RBFOX2: variants seen among roughly 807,000 people sequenced by gnomAD.
The protein encoded by RBFOX2 is RNA binding protein fox-1 homolog 2.
A neutral mutation model predicts 49.1 loss-of-function variants in RBFOX2; 10 were observed. The ratio of observed to expected loss-of-function variants is 0.20; its 90% CI spans 0.13 to 0.35. The LOEUF (loss-of-function observed/expected upper bound fraction) is 0.35. Among genes scored for constraint, RBFOX2 ranks in the 10% least tolerant of loss-of-function variants. The pLI, the probability that RBFOX2 is intolerant of heterozygous loss-of-function variation, is 1.00. For synonymous variants in RBFOX2, 183 were observed against 187.4 expected, an observed-to-expected ratio of 0.98 and a Z score of 0.19; for missense variants, 323 against 486.9, an observed-to-expected ratio of 0.66 and a Z score of 3.17.
chr22:35,740,373 T>C (rs990048518), exon 12 of RBFOX2: 33 of 152,662 alleles, frequency 2.2e-4, no homozygotes, highest in African/African-American at 8.0e-4. Context: ...AGTTTCACTG[T>C]GTATACTACA....
At chr22:35,903,320 C>T (rs2048787917) in intron 1 of RBFOX2, among the ~76,000 whole-genome samples, 1 of 152,200 alleles carries the variant, frequency 6.6e-6, no homozygotes. Context: ...CTTCTTAAAA[C>T]ATTCTCTTCT....
chr22:35,954,146 G>A (rs2055279107), intron 1 of RBFOX2, among the ~76,000 whole-genome samples: 1 of 151,762 alleles, frequency 6.6e-6, no homozygotes, highest in Non-Finnish European at 1.5e-5. Context: ...GTTAAATTTG[G>A]ATTTATGAGT....
chr22:36,000,071 G>GCTCA (rs957285448), intron 1 of RBFOX2: 1 of 148,162 alleles, frequency 6.7e-6, no homozygotes, highest in Non-Finnish European at 1.5e-5. Flanking sequence ...CACGATCTCA[G>GCTCA]CTCACTGTTA....
At chr22:35,849,154 T>C (rs2041580157) in intron 1 of RBFOX2, among the ~76,000 whole-genome samples, 1 of 152,082 alleles carries the variant, frequency 6.6e-6, no homozygotes, top group Non-Finnish European at 1.5e-5. Flanking sequence ...TTCTGGAAAA[T>C]ACAACATTTG....
At chr22:35,836,615 T>C (rs1957727837) in intron 1 of RBFOX2, among the ~76,000 whole-genome samples, 1 of 152,208 alleles carries the variant, frequency 6.6e-6, no homozygotes, top group Non-Finnish European at 1.5e-5. Context: ...GGAAAACAGA[T>C]TTTGAAGAAA....
chr22:35,744,376 T>C (rs1931486783), intron 11 of RBFOX2, 127 bp from the exon 14 acceptor site: 9 of 877,914 alleles, frequency 1.0e-5, no homozygotes, highest in Non-Finnish European at 1.5e-5. Context: ...TGATCAAGCA[T>C]TGCCTTGTGC....
In RBFOX2 at chr22:35,885,423, T is replaced by C. The variant is rs546852294; in HGVS notation, c.-34+53424A>G. ...TATCTAAGAAATAATACTTAACAAT[T>C]CTACTGGGAAAAATCATGCCCATTT... On this transcript the variant is annotated intron_variant, in intron 1 of 13. Coordinates refer to the RBFOX2 transcript ENST00000359369. Among the ~76,000 whole-genome samples, 8 of 152,284 alleles carry C rather than the reference T, an allele frequency of 5.3e-5. No individual in the cohort carries two copies. In the South Asian group the frequency reaches 1.2e-3, roughly 24 times the overall value.
At chr22:35,963,599 G>C (rs893948694), upstream of RBFOX2, among the ~76,000 whole-genome samples, 6 of 152,188 alleles carry the variant, frequency 3.9e-5, no homozygotes, top group African/African-American at 1.4e-4. Flanking sequence ...CCTAGACTAA[G>C]TGGAAAGTTG....
Position 35,800,296 on chromosome 22 carries a change from C to G in RBFOX2, c.252+9484G>C, listed in dbSNP as rs192471835. Among the ~76,000 whole-genome samples, 146 of 152,292 alleles carry G rather than the reference C, an allele frequency of 9.6e-4. 1 individual carries two copies. The East Asian group carries it at 0.024, about 25-fold the overall frequency. ...AATCGTCTGCCTGCTCCTCTATTCA[C>G]CCTGCATACGCTGTGACAGATCAAT... On this transcript the variant is annotated intron_variant, in intron 2 of 11. Transcript: ENST00000405409.
At chr22:35,923,067 A>C (rs1249609423) in intron 1 of RBFOX2, among the ~76,000 whole-genome samples, 1 of 152,144 alleles carries the variant, frequency 6.6e-6, no homozygotes, top group Non-Finnish European at 1.5e-5. Flanking sequence ...ACTGCCTAAC[A>C]CACTCCCCTT....
intron 1 of RBFOX2, among the ~76,000 whole-genome samples, chr22:35,846,080 A>G (rs888010556): frequency 2.7e-5 from 4 of 150,618 alleles, no homozygotes; most frequent in African/African-American, 9.7e-5. Context: ...CATACACTAT[A>G]TAAGTATAAA....
intron 1 of RBFOX2, 120 bp from the exon 3 acceptor site, chr22:35,810,124 T>C: frequency 2.1e-6 from 2 of 965,804 alleles, no homozygotes; most frequent in Non-Finnish European, 3.1e-6. Context: ...AATGGAATGC[T>C]TATTGCTCCA....
chr22:35,960,650 C>T (rs1301561613), intron 1 of RBFOX2, among the ~76,000 whole-genome samples: 1 of 152,142 alleles, frequency 6.6e-6, no homozygotes, highest in African/African-American at 2.4e-5. Context: ...GAGCCTAAAC[C>T]CATGACTTTA....
chr22:35,884,976 C>T (rs2046383965), intron 1 of RBFOX2, among the ~76,000 whole-genome samples: 1 of 152,120 alleles, frequency 6.6e-6, no homozygotes, highest in Admixed American at 6.5e-5. Context: ...CTTATCTCTT[C>T]CAATCCCAAC....
At chr22:36,006,023 A>C (rs924350754) in intron 1 of RBFOX2, among the ~76,000 whole-genome samples, 1 of 152,224 alleles carries the variant, frequency 6.6e-6, no homozygotes, top group Admixed American at 6.5e-5. Context: ...CAAAGCATAA[A>C]ACATTTCAGC....
chr22:35,978,580 T>C (rs2057309006), intron 1 of RBFOX2, among the ~76,000 whole-genome samples: 1 of 152,120 alleles, frequency 6.6e-6, no homozygotes. Context: ...TGGAAAACCT[T>C]CTTGTGGCAG....
intron 1 of RBFOX2, among the ~76,000 whole-genome samples, chr22:36,023,666 C>A (rs1368404385): frequency 3.3e-5 from 5 of 152,182 alleles, no homozygotes; most frequent in African/African-American, 1.2e-4. Context: ...ACTTTGAGTA[C>A]AGTATTTCCA....
At chr22:35,806,704 C>T (rs1479726562) in intron 2 of RBFOX2, among the ~76,000 whole-genome samples, 1 of 152,222 alleles carries the variant, frequency 6.6e-6, no homozygotes, top group Admixed American at 6.5e-5. Flanking sequence ...AATCTACCTA[C>T]ATTAATAATT....
chr22:35,824,052 G>C (rs1314982693), intron 1 of RBFOX2, among the ~76,000 whole-genome samples: 1 of 152,112 alleles, frequency 6.6e-6, no homozygotes, highest in African/African-American at 2.4e-5. Flanking sequence ...GGGAGGCTGA[G>C]GCAGGAGATT....
Sources: allele counts gnomAD v4.1 joint callset (sites outside exome capture counted in the v4.1 genomes callset), GRCh38; gene constraint gnomAD v4.1.1; transcripts MANE v1.5; gene names NCBI Gene and HGNC (gene_info 2026-07-23, HGNC 2026-07-21).